Variants in IGSF9 observed in about 807,000 individuals in gnomAD.
IGSF9 encodes immunoglobulin superfamily member 9, also known as protein turtle homolog A.
Under a neutral mutation model 121.7 loss-of-function variants are expected in IGSF9, and 87 were observed. The observed-to-expected ratio is 0.71, with a 90% confidence interval of 0.60 to 0.85. The LOEUF is 0.85. IGSF9 is among the 40% of genes least tolerant of loss of function. The pLI, the probability that IGSF9 is intolerant of heterozygous loss-of-function variation, is 0.00. For synonymous variants in IGSF9, 640 were observed against 648.4 expected (o/e 0.99, Z 0.20); for missense variants, 1,462 against 1,565.3 (o/e 0.93, Z 1.11).
rs779351974 is a variant in IGSF9 at position 159,927,527 on chromosome 1, C to G, written c.3359-1G>C. ...CAGCCCTCCTCTGGAGTCTTCACAC[C>G]TGCAAGAGGCGGGCAGGACAATGAG... On this transcript the variant is annotated splice_acceptor_variant, in intron 20 of 20. Coordinates refer to ENST00000368094, the MANE Select transcript of IGSF9 (RefSeq NM_001135050.2). LOFTEE classifies it high-confidence loss of function. 6.2e-7 allele frequency: 1 copy of G among 1,609,732 alleles called. No individual in the cohort carries two copies. Among genetic ancestry groups the G allele is most frequent in the Non-Finnish European group, 8.5e-7 (1 of 1,176,618 alleles).
chr1:159,932,488 G>GC lies in IGSF9; in HGVS notation c.1245+23dup, dbSNP rs1244421734. The GC allele has an allele frequency of 1.2e-6, 2 of 1,612,300 alleles. No individual in the cohort carries two copies. The highest frequency in any genetic ancestry group is 1.7e-6 in the Non-Finnish European group (2 of 1,179,232). ...GCCATCTGACCCACTGTCACCACAG[G>GC]CCCCCGCCCACCCCCGGCCTAACCT... On this transcript the variant is annotated intron_variant, in intron 10 of 20. Transcript: ENST00000368094. This position sits in a 1 kb window ranked among gnomAD's most constrained non-coding sequence, Gnocchi z 4.1.
At position 159,934,756 on chromosome 1, in the gene IGSF9, G is replaced by A; in HGVS notation, c.740C>T (p.Ala247Val). ...TVNASQDVSL[A>V]CHAEAYPANL... is the part of the protein sequence containing the mutation. ...AGCAGGGTATGCCTCAGCATGGCAGGCCAATGAAACATCCTGGGAGGCATT... is the reference window on the plus strand; with the variant it reads ...AGCAGGGTATGCCTCAGCATGGCAGACCAATGAAACATCCTGGGAGGCATT... Residue 247 changes from alanine (A) to valine (V), a missense_variant, in exon 7 of 21, where the codon GCC (alanine) becomes GTC (valine). Ala to Val is a moderately conservative substitution (Grantham distance 64). This residue lies in a region of IGSF9 where 558 missense variants were observed against 599.4 expected (regional missense o/e 0.93). Transcript: ENST00000368094. The A allele has an allele frequency of 6.2e-7, 1 of 1,614,196 alleles. No homozygotes were observed. Among genetic ancestry groups the A allele is most frequent in the Non-Finnish European group, 8.5e-7 (1 of 1,180,016 alleles).
intron 20 of IGSF9, 32 bp downstream of exon 20, chr1:159,927,728 G>C (rs757567661): frequency 1.2e-6 from 2 of 1,607,592 alleles, no homozygotes; most frequent in South Asian, 2.2e-5. Flanking sequence ...CAGTATGGCC[G>C]AGATGCCTGC....
At position 159,934,274 on chromosome 1, in the gene IGSF9, C is replaced by G; in HGVS notation, c.1020G>C (p.Gly340=). Residue 340 remains glycine (G), a synonymous_variant, in exon 9 of 21, where the codon GGG becomes GGC. Coordinates refer to ENST00000368094, the MANE Select transcript of IGSF9 (RefSeq NM_001135050.2). ...PETPLPIGMP[G]VIRCPVRANP... The stretch of plus-strand genomic sequence containing the variant: ...TGGCACGAACCGGGCAGCGGATCAC[C>G]CCCGGCATGCCTATGGGCAGGGGTG... 3.1e-6 allele frequency: 5 copies of G among 1,613,276 alleles called. No individual in the cohort carries two copies. The highest frequency in any genetic ancestry group is 4.2e-6 in the Non-Finnish European group (5 of 1,179,658).
chr1:159,930,734 C>G lies in IGSF9; in HGVS notation c.1771G>C (p.Gly591Arg), dbSNP rs765978852. The change falls in exon 14 of 21, where the codon GGG (glycine) becomes CGG (arginine). Residue 591 changes from glycine to arginine, a missense_variant. Transcript: ENST00000368094. ...QFSVLAQNKL[G>R]SGPFSEIVLS... ...ACGATTTCGCTGAAGGGACCACTCC[C>G]CAGCTTGTTCTGAGCTAGCACGCTG... 1 of 1,614,146 alleles carries G rather than the reference C, an allele frequency of 6.2e-7. No individual in the cohort carries two copies. Among genetic ancestry groups the G allele is most frequent in the East Asian group, 2.2e-5 (1 of 44,880 alleles).
chr1:159,932,832 AC>A lies in IGSF9; in HGVS notation c.1105-181del. On this transcript the variant is annotated intron_variant, in intron 9 of 20. Coordinates refer to ENST00000368094, the MANE Select transcript of IGSF9 (RefSeq NM_001135050.2). The surrounding 1 kb of genome is among the most constrained non-coding windows in gnomAD (Gnocchi z 4.1). The stretch of plus-strand genomic sequence containing the variant: ...TGCTTCCTTTCCTTCCTGCAGAGGG[AC>A]CCCTCCCAATAGTGTGAGGCTGTGA... 1 of 604,112 alleles carries A rather than the reference AC, an allele frequency of 1.7e-6. No individual in the cohort carries two copies. The highest frequency in any genetic ancestry group is 2.8e-6 in the Non-Finnish European group (1 of 353,494). 37.4% of individuals were successfully genotyped at this position (604,112 alleles called of 1,614,324 possible).
At chr1:159,942,530 G>C (rs965029126) in intron 3 of IGSF9, among the ~76,000 whole-genome samples, 1 of 152,198 alleles carries the variant, frequency 6.6e-6, no homozygotes. Flanking sequence ...CGATGAGGAA[G>C]GGGGAGAGCG....
chr1:159,938,844 G>C (rs1651285022), intron 3 of IGSF9, among the ~76,000 whole-genome samples: 1 of 152,328 alleles, frequency 6.6e-6, no homozygotes, highest in East Asian at 1.9e-4. Flanking sequence ...CCTGGCATCA[G>C]TGGATGCTCA....
At position 159,936,751 on chromosome 1, in the gene IGSF9, CACTT is replaced by C; in HGVS notation, c.554_555+2del. 1 of 1,614,098 alleles carries C rather than the reference CACTT, an allele frequency of 6.2e-7. No homozygotes were observed. The highest frequency in any genetic ancestry group is 8.5e-7 in the Non-Finnish European group (1 of 1,179,964). ...GCTCACTCTGTCCACCCCCAGGACT[CACTT>C]GCACCTGGCCCTGGCCCTGGCCAAG... On this transcript the variant is annotated splice_donor_variant and coding_sequence_variant, in exon 5 of 21. Transcript: ENST00000368094. LOFTEE classifies it high-confidence loss of function.
chr1:159,928,803 G>T lies in IGSF9; in HGVS notation c.2585C>A (p.Pro862His), dbSNP rs1320848351. ...RFVMGPTVAA[P>H]QERSGREQAE... is the part of the protein sequence containing the mutation. ...CTGCTCCCGGCCTGACCTTTCCTGG[G>T]GGGCCGCCACAGTGGGCCCCATCAC... The change falls in exon 19 of 21, where the codon CCC (proline) becomes CAC (histidine). Residue 862 changes from proline (P) to histidine (H), a missense_variant. Pro to His is a moderately conservative substitution (Grantham distance 77). Around this residue, in one of 3 missense-constraint regions of IGSF9, gnomAD observed 808 missense variants for 815.2 expected, o/e 0.99. Transcript: ENST00000368094. 4.0e-6 allele frequency: 6 copies of T among 1,495,272 alleles called. No homozygotes were observed. The Admixed American group carries it at 1.4e-4, about 36-fold the overall frequency. The allele number at this position is 1,495,272 out of a possible 1,614,324, so 92.6% of individuals were successfully genotyped here.
chr1:159,936,119 C>T (rs1426767881), intron 6 of IGSF9, among the ~76,000 whole-genome samples: 3 of 152,192 alleles, frequency 2.0e-5, no homozygotes, highest in Admixed American at 2.0e-4. Flanking sequence ...GAAACTGGGA[C>T]TCAAGGAGTT....
rs1651001482 is a variant in IGSF9, at chr1:159,931,606, A to G, written c.1363-3T>C. On this transcript the variant is annotated splice_polypyrimidine_tract_variant and splice_region_variant and intron_variant, in intron 11 of 20. Coordinates refer to ENST00000368094, the MANE Select transcript of IGSF9 (RefSeq NM_001135050.2). This position sits in a 1 kb window ranked among gnomAD's most constrained non-coding sequence, Gnocchi z 4.8. ...TGGCCTTGCAGCCCCCGGCCCACCTACAGAACCACTGGTGAGCCCTGAGGA... is the reference window on the plus strand; with the variant it reads ...TGGCCTTGCAGCCCCCGGCCCACCTGCAGAACCACTGGTGAGCCCTGAGGA... The G allele has an allele frequency of 2.5e-6, 4 of 1,613,484 alleles. No homozygotes were observed. Among genetic ancestry groups the G allele is most frequent in the Non-Finnish European group, 2.5e-6 (3 of 1,179,866 alleles).
chr1:159,934,208 C>A lies in IGSF9; in HGVS notation c.1086G>T (p.Lys362Asn), dbSNP rs745930451. 8 of 1,613,638 alleles carry A rather than the reference C, an allele frequency of 5.0e-6. No individual in the cohort carries two copies. In the Admixed American group the frequency reaches 6.7e-5, roughly 13 times the overall value. The stretch of plus-strand genomic sequence containing the variant: ...CCTGTACCTTGTCCAGCTGCAGGGC[C>A]TTTCCATCCTTGGTCCAGCTGACAA... ...LLFVSWTKDG[K>N]ALQLDKFPGW... is the part of the protein sequence containing the mutation. The change falls in exon 9 of 21, where the codon AAG becomes AAT. Residue 362 changes from lysine to asparagine, a missense_variant. Physicochemically the swap from Lys to Asn is moderately conservative, Grantham distance 94. Around this residue, in one of 3 missense-constraint regions of IGSF9, gnomAD observed 558 missense variants for 599.4 expected, o/e 0.93. Transcript: ENST00000368094.
rs1256706052 is a variant in IGSF9, at chr1:159,932,613, T to C, written c.1144A>G (p.Ile382Val). The stretch of plus-strand genomic sequence containing the variant: ...AGGGCATCCTCGTTCCCCAGGGCGA[T>C]GATCAGTGAGCCTTCTGTGCCCTGG... Reference protein sequence around the residue: ...WSQGTEGSLIIALGNEDALGE... With the variant: ...WSQGTEGSLIVALGNEDALGE... Residue 382 changes from isoleucine to valine, a missense_variant, in exon 10 of 21, where the codon ATC (isoleucine) becomes GTC (valine). Coordinates refer to ENST00000368094, the MANE Select transcript of IGSF9 (RefSeq NM_001135050.2). The surrounding 1 kb of genome is among the most constrained non-coding windows in gnomAD (Gnocchi z 4.1). 2.5e-6 allele frequency: 4 copies of C among 1,613,652 alleles called. No homozygotes were observed. The East Asian group carries it at 6.7e-5, about 27-fold the overall frequency.
At position 159,928,610 on chromosome 1, in the gene IGSF9, G is replaced by A. The variant is rs1372868749; in HGVS notation, c.2778C>T (p.Tyr926=). Residue 926 remains tyrosine, a synonymous_variant, in exon 19 of 21, where the codon TAC becomes TAT. Coordinates refer to ENST00000368094, the MANE Select transcript of IGSF9 (RefSeq NM_001135050.2). ...PLPGPGPLLQ[Y]LSLPFFREMN... ...TCTCTCGGAAGAAGGGCAGGCTCAG[G>A]TACTGGAGCAGGGGTCCAGGACCTG... 2 of 1,498,214 alleles carry A rather than the reference G, an allele frequency of 1.3e-6. No homozygotes were observed. The highest frequency in any genetic ancestry group is 1.8e-6 in the Non-Finnish European group (2 of 1,122,222). The allele number at this position is 1,498,214 out of a possible 1,614,324, so 92.8% of individuals were successfully genotyped here.
In IGSF9 at chr1:159,931,526, G is replaced by A; in HGVS notation, c.1440C>T (p.Ala480=). The A allele has an allele frequency of 6.2e-7, 1 of 1,614,134 alleles. No homozygotes were observed. Among genetic ancestry groups the A allele is most frequent in the South Asian group, 1.1e-5 (1 of 91,088 alleles). Residue 480 remains alanine (A), a synonymous_variant, in exon 12 of 21, where the codon GCC becomes GCT. Coordinates refer to ENST00000368094, the MANE Select transcript of IGSF9 (RefSeq NM_001135050.2). This position sits in a 1 kb window ranked among gnomAD's most constrained non-coding sequence, Gnocchi z 4.8. ...SLILRPLTKE[A]HGHWECSASN... Reference sequence around the variant, plus strand: ...TGGCACTGCATTCCCAGTGCCCGTGGGCCTCCTTGGTCAATGGTCGCAGGA... The same window carrying A: ...TGGCACTGCATTCCCAGTGCCCGTGAGCCTCCTTGGTCAATGGTCGCAGGA...
intron 14 of IGSF9, 39 bp from the exon 15 acceptor site, chr1:159,930,478 C>T: frequency 6.6e-7 from 1 of 1,518,516 alleles, no homozygotes; most frequent in South Asian, 1.3e-5. Flanking sequence ...CAAGGATTCC[C>T]AGCGCCCCTC....
intron 3 of IGSF9, 57 bp downstream of exon 3, chr1:159,942,906 C>T: frequency 1.3e-6 from 2 of 1,509,524 alleles, no homozygotes. Flanking sequence ...TGCGACTCTA[C>T]CCAGCCCACC....
chr1:159,928,925 C>A lies in IGSF9; in HGVS notation c.2463G>T (p.Gly821=). 6.4e-7 allele frequency: 1 copy of A among 1,574,186 alleles called. No individual in the cohort carries two copies. Among genetic ancestry groups the A allele is most frequent in the Non-Finnish European group, 8.6e-7 (1 of 1,162,260 alleles). The change falls in exon 19 of 21, where the codon GGG becomes GGT. Residue 821 remains glycine, a synonymous_variant. Transcript: ENST00000368094. ...VPSLRQSLLW[G]DPAGTPSPHP... ...GGGGGCTGGGAGTTCCGGCAGGATC[C>A]CCCCAGAGCAGACTCTGGCGCAGGC...
Sources: gnomAD v4.1 joint callset for allele counts (sites outside exome capture counted in the v4.1 genomes callset) on GRCh38, gnomAD v4.1.1 for gene constraint, gnomAD v4.1.1 regional missense constraint, Gnocchi (gnomAD v3.1) non-coding constraint, MANE v1.5 for transcripts, NCBI Gene and HGNC (gene_info 2026-07-23, HGNC 2026-07-21) for gene names.